TRIM44: variants seen among roughly 807,000 people sequenced by gnomAD.
TRIM44 encodes the protein tripartite motif-containing protein 44.
TRIM44 carries 13 observed loss-of-function variants against 37.4 expected under a neutral mutation model. That is an observed-to-expected ratio of 0.35 (90% CI 0.23 to 0.55). The LOEUF (loss-of-function observed/expected upper bound fraction) is 0.55, where lower values mean the gene tolerates loss of function less well. TRIM44 is among the 20% of genes least tolerant of loss of function. The pLI is 0.89. For synonymous variants in TRIM44, 175 were observed against 157.2 expected, an observed-to-expected ratio of 1.11 and a Z score of -0.85; for missense variants, 426 against 437.2, an observed-to-expected ratio of 0.97 and a Z score of 0.23.
intron 2 of TRIM44, among the ~76,000 whole-genome samples, chr11:35,705,076 G>T (rs1298522293): frequency 6.7e-6 from 1 of 148,584 alleles, no homozygotes; most frequent in Non-Finnish European, 1.5e-5. Context: ...GATCTACCAA[G>T]CCAATGGAAA....
intron 3 of TRIM44, among the ~76,000 whole-genome samples, chr11:35,728,123 T>TA (rs375446862): frequency 3.9e-5 from 6 of 152,160 alleles, no homozygotes; most frequent in African/African-American, 1.4e-4. Context: ...GTCAGGAGTT[T>TA]AAGCCTGCCC....
chr11:35,740,156 T>C (rs1308544630), intron 4 of TRIM44, among the ~76,000 whole-genome samples: 3 of 148,412 alleles, frequency 2.0e-5, no homozygotes, highest in Non-Finnish European at 3.0e-5. Flanking sequence ...TTTTTTTTTT[T>C]CCTAAGCAGA....
chr11:35,782,133 A>T (rs767413466), intron 4 of TRIM44, among the ~76,000 whole-genome samples: 4 of 152,244 alleles, frequency 2.6e-5, no homozygotes, highest in Non-Finnish European at 5.9e-5. Flanking sequence ...GATAATTTTA[A>T]AACAATATTA....
At chr11:35,672,429 G>GGT (rs1851405168) in intron 1 of TRIM44, among the ~76,000 whole-genome samples, 1 of 152,200 alleles carries the variant, frequency 6.6e-6, no homozygotes, top group South Asian at 2.1e-4. Context: ...CTGAAGAAAA[G>GGT]GTAGAGTCTT....
At chr11:35,698,882 T>C (rs1293016138) in intron 2 of TRIM44, among the ~76,000 whole-genome samples, 1 of 114,792 alleles carries the variant, frequency 8.7e-6, no homozygotes, top group Non-Finnish European at 1.8e-5. Context: ...TCTTGAATGG[T>C]ATTGCCTGGG....
chr11:35,806,212 T>C, intron 4 of TRIM44, 146 bp from the exon 5 acceptor site: 1 of 778,130 alleles, frequency 1.3e-6, no homozygotes. Flanking sequence ...ACGAAGTAAC[T>C]TGCCTTTGGC....
Position 35,671,857 on chromosome 11 carries a change from A to G in TRIM44, c.669+8077A>G, listed in dbSNP as rs1019089195. ...GTCTCCAGAAGATTTTGTGGGTCGA[A>G]GTTTGAACTGAGCCTAGTCTTTAGC... On this transcript the variant is annotated intron_variant, in intron 1 of 4. Coordinates refer to ENST00000299413, the MANE Select transcript of TRIM44 (RefSeq NM_017583.6). Among the ~76,000 whole-genome samples the G allele has an allele frequency of 2.0e-5, 3 of 152,274 alleles. No homozygotes were observed. The East Asian group carries it at 5.8e-4, about 29-fold the overall frequency.
At chr11:35,723,639 ACT>A (rs1852135234) in intron 2 of TRIM44, among the ~76,000 whole-genome samples, 1 of 152,192 alleles carries the variant, frequency 6.6e-6, no homozygotes, top group African/African-American at 2.4e-5. Flanking sequence ...AAAATCCATG[ACT>A]CATTCACCTG....
chr11:35,778,093 C>T (rs1852998720), intron 4 of TRIM44, among the ~76,000 whole-genome samples: 1 of 152,158 alleles, frequency 6.6e-6, no homozygotes, highest in African/African-American at 2.4e-5. Context: ...TGAGGTACAC[C>T]AATCAGATGT....
chr11:35,770,067 C>T (rs959236213), intron 4 of TRIM44, among the ~76,000 whole-genome samples: 4 of 152,120 alleles, frequency 2.6e-5, no homozygotes, highest in Non-Finnish European at 2.9e-5. Context: ...CTCCCTTCCC[C>T]GTCTAGTAGT....
intron 4 of TRIM44, among the ~76,000 whole-genome samples, chr11:35,799,355 CT>C (rs1853335234): frequency 6.6e-6 from 1 of 152,326 alleles, no homozygotes; most frequent in East Asian, 1.9e-4. Flanking sequence ...ACCCAAGGCT[CT>C]CTCAGAGGTC....
chr11:35,725,068 A>T (rs77546297), intron 2 of TRIM44, among the ~76,000 whole-genome samples: 5,515 of 30,280 alleles, frequency 0.18, 145 homozygotes, highest in Non-Finnish European at 0.23. Flanking sequence ...GCACACACTC[A>T]CACACACACA....
intron 4 of TRIM44, among the ~76,000 whole-genome samples, chr11:35,803,909 C>G (rs571609616): frequency 2.6e-5 from 4 of 151,772 alleles, no homozygotes; most frequent in Admixed American, 2.6e-4. Context: ...CAGTTATGAT[C>G]CCTTTTCTTT....
intron 4 of TRIM44, among the ~76,000 whole-genome samples, chr11:35,786,902 T>A (rs1018380768): frequency 6.6e-6 from 1 of 152,146 alleles, no homozygotes; most frequent in African/African-American, 2.4e-5. Context: ...GCTTTTTATG[T>A]CATGTTTTTC....
intron 4 of TRIM44, among the ~76,000 whole-genome samples, chr11:35,749,281 A>C (rs1852532290): frequency 6.6e-6 from 1 of 152,262 alleles, no homozygotes; most frequent in Non-Finnish European, 1.5e-5. Flanking sequence ...ATTTAAAAGC[A>C]CATTTTAAGG....
chr11:35,664,052 G>A (rs896635896), intron 1 of TRIM44, among the ~76,000 whole-genome samples: 2 of 152,110 alleles, frequency 1.3e-5, no homozygotes, highest in Non-Finnish European at 2.9e-5. Context: ...CCCAGGTAAA[G>A]CATTTCTTGG....
intron 4 of TRIM44, among the ~76,000 whole-genome samples, chr11:35,773,509 A>C (rs1357084607): frequency 1.3e-5 from 2 of 152,216 alleles, no homozygotes; most frequent in African/African-American, 4.8e-5. Flanking sequence ...TCTAGGGTAC[A>C]TGTGCATAAG....
At chr11:35,697,205 C>A (rs1295689034) in intron 2 of TRIM44, among the ~76,000 whole-genome samples, 1 of 116,000 alleles carries the variant, frequency 8.6e-6, no homozygotes. Flanking sequence ...CTAATGCTAT[C>A]CCTCCCCCTC....
At chr11:35,775,646 C>T (rs1178126683) in intron 4 of TRIM44, among the ~76,000 whole-genome samples, 1 of 152,174 alleles carries the variant, frequency 6.6e-6, no homozygotes, top group Non-Finnish European at 1.5e-5. Flanking sequence ...TACATCCCAT[C>T]AGTACCTAGT....
Sources: gnomAD v4.1 joint callset for allele counts (sites outside exome capture counted in the v4.1 genomes callset) on GRCh38, gnomAD v4.1.1 for gene constraint, MANE v1.5 for transcripts, NCBI Gene and HGNC (gene_info 2026-07-23, HGNC 2026-07-21) for gene names.